ANKHD1: variants seen among roughly 807,000 people sequenced by gnomAD.
ANKHD1 encodes ankyrin repeat and KH domain containing 1, also known as ankyrin repeat and KH domain-containing protein 1.
A neutral mutation model predicts 230.5 loss-of-function variants in ANKHD1; 31 were observed. The observed-to-expected ratio is 0.13, with a 90% confidence interval of 0.10 to 0.18. The LOEUF (loss-of-function observed/expected upper bound fraction) is 0.18. ANKHD1 is among the 10% of genes least tolerant of loss of function. ANKHD1 has a pLI of 1.00. For missense variants in ANKHD1, 2,256 were observed against 3,071.3 expected, an observed-to-expected ratio of 0.73 and a Z score of 6.27; for synonymous variants, 1,074 against 1,117.6, an observed-to-expected ratio of 0.96 and a Z score of 0.78.
intron 14 of ANKHD1, among the ~76,000 whole-genome samples, chr5:140,491,094 A>G (rs568392446): frequency 2.6e-3 from 58 of 22,506 alleles, no homozygotes; most frequent in East Asian, 0.014. Context: ...GTGTGTGTGT[A>G]TATATATATA....
At chr5:140,489,643 T>A (rs1368078802) in intron 14 of ANKHD1, among the ~76,000 whole-genome samples, 1 of 152,248 alleles carries the variant, frequency 6.6e-6, no homozygotes, top group Non-Finnish European at 1.5e-5. Flanking sequence ...TATACTCTAG[T>A]GAGTAACCAT....
chr5:140,515,817 A>G (rs1021283972), intron 24 of ANKHD1, among the ~76,000 whole-genome samples: 53 of 152,350 alleles, frequency 3.5e-4, no homozygotes, highest in Non-Finnish European at 7.3e-4. Flanking sequence ...ATCAAAGACC[A>G]AAAGTAGATA....
At chr5:140,424,773 T>C (rs1772268587) in intron 1 of ANKHD1, among the ~76,000 whole-genome samples, 1 of 152,226 alleles carries the variant, frequency 6.6e-6, no homozygotes, top group African/African-American at 2.4e-5. Context: ...AGATTTTCTG[T>C]TCACTACACT....
At chr5:140,445,659 A>G (rs1774224907) in intron 5 of ANKHD1, 83 bp from the exon 6 acceptor site, 2 of 1,224,568 alleles carry the variant, frequency 1.6e-6, no homozygotes, top group Non-Finnish European at 2.1e-6. Flanking sequence ...ATGATTGTAT[A>G]TTTCTTTTTA....
chr5:140,429,876 A>G (rs1016116566), intron 1 of ANKHD1, among the ~76,000 whole-genome samples: 1 of 152,226 alleles, frequency 6.6e-6, no homozygotes, highest in Non-Finnish European at 1.5e-5. Context: ...TGGTTAAATC[A>G]TAGCTGGATT....
chr5:140,465,936 T>C (rs560043087), intron 10 of ANKHD1, among the ~76,000 whole-genome samples: 1 of 152,348 alleles, frequency 6.6e-6, no homozygotes, highest in South Asian at 2.1e-4. Flanking sequence ...AATTAGGAAT[T>C]GAAGTTTGTC....
In ANKHD1 at chr5:140,537,595, A is replaced by G. The variant is rs747098283; in HGVS notation, c.7228+6A>G. 3.2e-6 allele frequency: 5 copies of G among 1,555,464 alleles called. No individual in the cohort carries two copies. In the African/African-American group the frequency reaches 4.1e-5, roughly 13 times the overall value. On this transcript the variant is annotated splice_donor_region_variant and intron_variant, in intron 31 of 33. Coordinates refer to ENST00000360839, the MANE Select transcript of ANKHD1 (RefSeq NM_017747.3). ...TGGTGTCAATGCTGTGTCAGGTACA[A>G]TTGCCTTGCTCTCTCTCTGGAGGGA...
chr5:140,464,776 A>G lies in ANKHD1; in HGVS notation c.1782A>G (p.Leu594=). The change falls in exon 10 of 34, where the codon TTA becomes TTG. Residue 594 remains leucine, a splice_region_variant and synonymous_variant. Transcript: ENST00000360839. ...TTTTACTTCAAGCAGGGGCTGATTTAGTAAGATATTTTTAATTTCAAATAT... is the reference window on the plus strand; with the variant it reads ...TTTTACTTCAAGCAGGGGCTGATTTGGTAAGATATTTTTAATTTCAAATAT... ...ADVLLQAGAD[L]EHESEGGRTP... 6.3e-7 allele frequency: 1 copy of G among 1,588,922 alleles called. No individual in the cohort carries two copies. The highest frequency in any genetic ancestry group is 1.8e-5 in the Admixed American group (1 of 57,124).
chr5:140,467,702 A>T (rs1717053809), intron 10 of ANKHD1, among the ~76,000 whole-genome samples: 1 of 152,250 alleles, frequency 6.6e-6, no homozygotes, highest in African/African-American at 2.4e-5. Context: ...CAGTGAAAAA[A>T]ATATAAAACC....
At chr5:140,530,219 T>A (rs1753752424) in intron 29 of ANKHD1, among the ~76,000 whole-genome samples, 2 of 152,162 alleles carry the variant, frequency 1.3e-5, no homozygotes, top group Admixed American at 1.3e-4. Flanking sequence ...ATTATTTTAT[T>A]TTATTTTTTT....
chr5:140,523,076 GTTTT>G (rs561647520), intron 24 of ANKHD1, among the ~76,000 whole-genome samples: 1 of 93,942 alleles, frequency 1.1e-5, no homozygotes, highest in South Asian at 3.4e-4. Flanking sequence ...GTATAACTTG[GTTTT>G]TTTTTTTAAT....
intron 7 of ANKHD1, among the ~76,000 whole-genome samples, chr5:140,458,151 T>G (rs2126963134): frequency 6.6e-6 from 1 of 152,308 alleles, no homozygotes; most frequent in East Asian, 1.9e-4. Flanking sequence ...TCACATAATT[T>G]GTTGTGTTAT....
chr5:140,438,647 A>C, intron 3 of ANKHD1, 30 bp downstream of exon 3: 3 of 1,517,746 alleles, frequency 2.0e-6, no homozygotes, highest in Non-Finnish European at 2.7e-6. Context: ...TGGATATTAG[A>C]CATTTTCTTG....
intron 25 of ANKHD1, chr5:140,524,911 C>G (rs1040701361): frequency 3.5e-6 from 1 of 286,838 alleles, no homozygotes; most frequent in Non-Finnish European, 6.9e-6. Flanking sequence ...CCAGCCTGAC[C>G]AATATGGTGA....
intron 10 of ANKHD1, among the ~76,000 whole-genome samples, chr5:140,479,103 A>T (rs1388143473): frequency 6.6e-6 from 1 of 151,332 alleles, no homozygotes; most frequent in South Asian, 2.1e-4. Context: ...GGTTCATGCC[A>T]TTCTCCTGCC....
At chr5:140,492,991 T>C (rs1480933780) in intron 14 of ANKHD1, among the ~76,000 whole-genome samples, 2 of 152,180 alleles carry the variant, frequency 1.3e-5, no homozygotes, top group African/African-American at 2.4e-5. Context: ...TCTAGTTTTG[T>C]TAATGGAGGG....
intron 30 of ANKHD1, among the ~76,000 whole-genome samples, chr5:140,536,559 G>A (rs1754086603): frequency 6.6e-6 from 1 of 152,128 alleles, no homozygotes; most frequent in Non-Finnish European, 1.5e-5. Flanking sequence ...AAGAAACAAA[G>A]CTGTGAATCA....
chr5:140,509,492 C>CT, intron 20 of ANKHD1, 145 bp from the exon 21 acceptor site: 1 of 988,064 alleles, frequency 1.0e-6, no homozygotes, highest in Non-Finnish European at 1.3e-6. Context: ...TTGCTTAGCT[C>CT]TTTTATGAGA....
intron 30 of ANKHD1, 70 bp downstream of exon 30, chr5:140,535,608 A>AC: frequency 6.8e-7 from 1 of 1,479,526 alleles, no homozygotes; most frequent in Non-Finnish European, 8.9e-7. Context: ...TTCAGTTACA[A>AC]CACCATGTTG....
Sources: gnomAD v4.1 joint callset for allele counts (sites outside exome capture counted in the v4.1 genomes callset) on GRCh38, gnomAD v4.1.1 for gene constraint, MANE v1.5 for transcripts, NCBI Gene and HGNC (gene_info 2026-07-23, HGNC 2026-07-21) for gene names.